SLC25A48: variants seen among roughly 807,000 people sequenced by gnomAD.
SLC25A48 encodes the protein solute carrier family 25 member 48.
Under a neutral mutation model 32.2 loss-of-function variants are expected in SLC25A48, and 29 were observed. The observed-to-expected ratio is 0.90, with a 90% CI of 0.67 to 1.23. SLC25A48 has a LOEUF of 1.23. Among genes scored for constraint, SLC25A48 ranks in the 50% most tolerant of loss-of-function variants. The probability of loss-of-function intolerance (pLI) is 0.00; values close to 1 mark genes in which losing one functional copy is unlikely to be tolerated. For missense variants in SLC25A48, 399 were observed against 422.7 expected, an observed-to-expected ratio of 0.94 and a Z score of 0.49; for synonymous variants, 164 against 172.3, an observed-to-expected ratio of 0.95 and a Z score of 0.38.
chr5:135,786,237 G>C (rs1015055935), intron 3 of SLC25A48, among the ~76,000 whole-genome samples: 1 of 152,034 alleles, frequency 6.6e-6, no homozygotes, highest in Non-Finnish European at 1.5e-5. Context: ...CGTATATTCA[G>C]AGGGGAGAGG....
Position 135,783,085 on chromosome 5 carries a change from C to T in SLC25A48, c.-520-29438C>T, listed in dbSNP as rs531418066. Among the ~76,000 whole-genome samples the T allele has an allele frequency of 4.2e-4, 46 of 110,302 alleles. 15 individuals are homozygous for T. The highest frequency in any genetic ancestry group is 8.9e-4 in the Non-Finnish European group (39 of 44,050). The allele number at this position is 110,302 out of a possible 152,430, so 72.4% of individuals were successfully genotyped here. A position where few individuals can be genotyped will look rare whatever the true frequency, so the allele number is the denominator to read the frequency against. On this transcript the variant is annotated intron_variant, in intron 3 of 10. Transcript: ENST00000646290. Reference sequence around the variant, plus strand: ...GAGAGGATGATATTACTTCCAATACCACAGCACAGTTACAACCCCCATATA... The same window carrying T: ...GAGAGGATGATATTACTTCCAATACTACAGCACAGTTACAACCCCCATATA...
At chr5:135,866,166 G>A (rs1172821028) in intron 4 of SLC25A48, among the ~76,000 whole-genome samples, 1 of 152,206 alleles carries the variant, frequency 6.6e-6, no homozygotes, top group African/African-American at 2.4e-5. Context: ...GGCCTCTTGA[G>A]AAATTATGCT....
At chr5:135,616,099 A>C (rs1752185164) in intron 1 of SLC25A48, among the ~76,000 whole-genome samples, 1 of 152,216 alleles carries the variant, frequency 6.6e-6, no homozygotes, top group African/African-American at 2.4e-5. Context: ...AAAAGCCTAA[A>C]TGTCCAGGCA....
rs142378142 is a variant in SLC25A48, at chr5:135,798,015, G to A, written c.-520-14508G>A. ...TGATATTACACCCAATATTACAGAGGGTGTACACCCTCCCGTGATATTCTT... is the reference window on the plus strand; with the variant it reads ...TGATATTACACCCAATATTACAGAGAGTGTACACCCTCCCGTGATATTCTT... On this transcript the variant is annotated intron_variant, in intron 3 of 10. Transcript: ENST00000646290. 2.0e-3 allele frequency among the ~76,000 whole-genome samples: 309 copies of A among 151,640 alleles called. 1 individual carries two copies. Among genetic ancestry groups the A allele is most frequent in the African/African-American group, 7.3e-3 (304 of 41,362 alleles).
intron 3 of SLC25A48, among the ~76,000 whole-genome samples, chr5:135,682,625 A>G (rs183083081): frequency 1.3e-3 from 202 of 152,288 alleles, no homozygotes; most frequent in African/African-American, 4.8e-3. Context: ...TTGTATGCCA[A>G]TCACATTTCT....
At chr5:135,582,627 G>A (rs918606334) in intron 1 of SLC25A48, among the ~76,000 whole-genome samples, 2 of 152,162 alleles carry the variant, frequency 1.3e-5, no homozygotes, top group African/African-American at 4.8e-5. Flanking sequence ...ATCTCATGCA[G>A]AGTGGAAGCC....
At chr5:135,817,489 A>AGC (rs1305922414) in intron 4 of SLC25A48, among the ~76,000 whole-genome samples, 1 of 152,234 alleles carries the variant, frequency 6.6e-6, no homozygotes, top group African/African-American at 2.4e-5. Flanking sequence ...CAAATGGAAA[A>AGC]TATAGATAAA....
At chr5:135,730,895 G>A (rs1209202489) in intron 3 of SLC25A48, among the ~76,000 whole-genome samples, 2 of 152,200 alleles carry the variant, frequency 1.3e-5, no homozygotes, top group Non-Finnish European at 2.9e-5. Context: ...GAGGTTCAGA[G>A]GGGACCAGTT....
At chr5:135,876,122 T>C (rs868394830) in intron 6 of SLC25A48, 2 of 103,408 alleles carry the variant, frequency 1.9e-5, no homozygotes, top group Non-Finnish European at 3.4e-5. Context: ...GTATCTTTTT[T>C]TTCTTCTTCT....
intron 3 of SLC25A48, among the ~76,000 whole-genome samples, chr5:135,640,454 G>A (rs1464271688): frequency 6.6e-6 from 1 of 152,006 alleles, no homozygotes; most frequent in Non-Finnish European, 1.5e-5. Context: ...CCCATACCAA[G>A]GGACATTATA....
chr5:135,843,407 A>G (rs1561525454), intron 2 of SLC25A48, among the ~76,000 whole-genome samples: 1 of 152,164 alleles, frequency 6.6e-6, no homozygotes, highest in Non-Finnish European at 1.5e-5. Context: ...AGTAAATTTT[A>G]CTTCTGGGCT....
chr5:135,767,143 G>A (rs1185994105), intron 3 of SLC25A48, among the ~76,000 whole-genome samples: 1 of 150,884 alleles, frequency 6.6e-6, no homozygotes, highest in African/African-American at 2.4e-5. Context: ...TAATATTTAG[G>A]GGGGCAGAGG....
intron 4 of SLC25A48, among the ~76,000 whole-genome samples, chr5:135,854,812 C>A (rs946858395): frequency 6.6e-6 from 1 of 152,224 alleles, no homozygotes; most frequent in Non-Finnish European, 1.5e-5. Flanking sequence ...AGAGGCTTAG[C>A]TTTTGACCTG....
At chr5:135,845,155 A>T (rs970230559) in intron 2 of SLC25A48, among the ~76,000 whole-genome samples, 3 of 152,242 alleles carry the variant, frequency 2.0e-5, no homozygotes, top group Non-Finnish European at 4.4e-5. Flanking sequence ...AGAACCTGCC[A>T]CATGGTCCTC....
At chr5:135,753,697 G>A (rs1755826195) in intron 3 of SLC25A48, among the ~76,000 whole-genome samples, 1 of 151,638 alleles carries the variant, frequency 6.6e-6, no homozygotes, top group Non-Finnish European at 1.5e-5. Context: ...GTACACACAG[G>A]ATGTACATCC....
intron 3 of SLC25A48, among the ~76,000 whole-genome samples, chr5:135,699,826 A>G (rs1754350230): frequency 6.6e-6 from 1 of 152,134 alleles, no homozygotes; most frequent in Admixed American, 6.6e-5. Flanking sequence ...AGCATGCATT[A>G]TTATCTGGTT....
At chr5:135,705,335 C>T (rs557987326) in intron 3 of SLC25A48, among the ~76,000 whole-genome samples, 3 of 152,342 alleles carry the variant, frequency 2.0e-5, no homozygotes, top group Admixed American at 1.3e-4. Flanking sequence ...GCTCTGCCAC[C>T]TCGTCATGTG....
At chr5:135,840,198 C>T (rs1758877624) in intron 1 of SLC25A48, among the ~76,000 whole-genome samples, 1 of 152,152 alleles carries the variant, frequency 6.6e-6, no homozygotes, top group Admixed American at 6.5e-5. Context: ...TCTATGGTGA[C>T]ATCACTCACA....
At chr5:135,850,845 A>C (rs1172041431) in intron 3 of SLC25A48, among the ~76,000 whole-genome samples, 4 of 151,446 alleles carry the variant, frequency 2.6e-5, no homozygotes, top group Non-Finnish European at 4.4e-5. Flanking sequence ...GTGCTGATAG[A>C]CCTCCCTTTA....
Sources: gnomAD v4.1 joint callset for allele counts (sites outside exome capture counted in the v4.1 genomes callset) on GRCh38, gnomAD v4.1.1 for gene constraint, MANE v1.5 for transcripts, NCBI Gene and HGNC (gene_info 2026-07-23, HGNC 2026-07-21) for gene names.